Variants in CSMD1 observed in about 807,000 individuals in gnomAD.
The protein encoded by CSMD1 is CUB and sushi domain-containing protein 1.
CSMD1 carries 213 observed loss-of-function variants against 417.5 expected under a neutral mutation model. The ratio of observed to expected loss-of-function variants is 0.51; its 90% CI spans 0.46 to 0.57. The LOEUF (loss-of-function observed/expected upper bound fraction) is 0.57, where lower values mean the gene tolerates loss of function less well. Among genes scored for constraint, CSMD1 ranks in the 20% least tolerant of loss-of-function variants. The pLI is 0.00. For synonymous variants in CSMD1, 2,862 were observed against 1,736.8 expected, an observed-to-expected ratio of 1.65 and a Z score of -16.11; for missense variants, 6,923 against 4,529.7, an observed-to-expected ratio of 1.53 and a Z score of -15.17.
At chr8:3,745,806 C>A (rs376251663) in intron 6 of CSMD1, among the ~76,000 whole-genome samples, 1 of 152,152 alleles carries the variant, frequency 6.6e-6, no homozygotes, top group Non-Finnish European at 1.5e-5. Context: ...GTAACCTGTG[C>A]CTTTGAAGGT....
At chr8:4,480,874 A>G (rs1220135931) in intron 2 of CSMD1, among the ~76,000 whole-genome samples, 1 of 152,176 alleles carries the variant, frequency 6.6e-6, no homozygotes, top group African/African-American at 2.4e-5. Context: ...GTCCCTGGTT[A>G]AAGATCTAGA....
At chr8:3,870,720 T>C (rs1424088625) in intron 5 of CSMD1, among the ~76,000 whole-genome samples, 1 of 152,176 alleles carries the variant, frequency 6.6e-6, no homozygotes, top group Non-Finnish European at 1.5e-5. Context: ...TTATATATTC[T>C]CCTCTGTTAA....
intron 6 of CSMD1, among the ~76,000 whole-genome samples, chr8:3,751,329 T>TAC: frequency 1.6e-5 from 2 of 127,332 alleles, no homozygotes; most frequent in African/African-American, 5.7e-5. Context: ...TGTGTGTGTA[T>TAC]ATATATATAT....
intron 3 of CSMD1, among the ~76,000 whole-genome samples, chr8:4,199,846 C>G (rs1012751411): frequency 2.0e-5 from 3 of 152,142 alleles, no homozygotes; most frequent in African/African-American, 7.2e-5. Context: ...CAACAAAACT[C>G]TTCCTTTACA....
intron 3 of CSMD1, among the ~76,000 whole-genome samples, chr8:4,365,905 T>G (rs1234481877): frequency 6.6e-6 from 1 of 152,218 alleles, no homozygotes; most frequent in African/African-American, 2.4e-5. Context: ...TATTTCATCT[T>G]TAAAGTTTTA....
intron 1 of CSMD1, among the ~76,000 whole-genome samples, chr8:4,769,790 C>A (rs114161839): frequency 1.3e-5 from 2 of 152,060 alleles, no homozygotes; most frequent in Admixed American, 1.3e-4. Context: ...TGAATTGCCA[C>A]GTTTAGCATT....
At chr8:3,697,906 C>A (rs1585093190) in intron 7 of CSMD1, among the ~76,000 whole-genome samples, 1 of 152,048 alleles carries the variant, frequency 6.6e-6, no homozygotes, top group African/African-American at 2.4e-5. Flanking sequence ...GTGAGTTTTT[C>A]CCTTTAGTGA....
intron 18 of CSMD1, among the ~76,000 whole-genome samples, chr8:3,371,344 C>CA (rs1019097287): frequency 1.3e-5 from 2 of 152,024 alleles, no homozygotes; most frequent in Non-Finnish European, 2.9e-5. Context: ...TAAAATGGGG[C>CA]AAAAATCACA....
rs1200464393 is a variant in CSMD1, at chr8:3,939,784, A to G, written c.818+58119T>C. Among the ~76,000 whole-genome samples, 5 of 152,280 alleles carry G rather than the reference A, an allele frequency of 3.3e-5. No homozygotes were observed. The South Asian group carries it at 6.2e-4, about 19-fold the overall frequency. On this transcript the variant is annotated intron_variant, in intron 5 of 69. Transcript: ENST00000635120. ...ACTCAGAAATGGAAAAACAAACGTC[A>G]TATGTTCTCACTTGTGAGAGCTAAG...
At chr8:3,610,642 A>G (rs931261525) in intron 8 of CSMD1, among the ~76,000 whole-genome samples, 1 of 152,184 alleles carries the variant, frequency 6.6e-6, no homozygotes, top group African/African-American at 2.4e-5. Context: ...ATTCACTTCA[A>G]TTCAACTCAA....
chr8:3,628,868 G>GTT (rs570765360), intron 7 of CSMD1, among the ~76,000 whole-genome samples: 55,656 of 149,502 alleles, frequency 0.37, 10,392 homozygotes, highest in Middle Eastern at 0.49. Flanking sequence ...AATAATCTAA[G>GTT]TTTTTTTAAA....
chr8:4,262,454 C>T (rs1018349096), intron 3 of CSMD1, among the ~76,000 whole-genome samples: 20 of 152,192 alleles, frequency 1.3e-4, no homozygotes, highest in Non-Finnish European at 2.5e-4. Context: ...CCGCGCAGTG[C>T]AGGCAAAGAC....
intron 3 of CSMD1, among the ~76,000 whole-genome samples, chr8:4,332,924 A>AT (rs527618165): frequency 1.4e-3 from 208 of 143,598 alleles, no homozygotes; most frequent in African/African-American, 4.9e-3. Flanking sequence ...TTACTATCAC[A>AT]TTTTTTTCTT....
intron 51 of CSMD1, among the ~76,000 whole-genome samples, chr8:3,027,779 G>C (rs528167226): frequency 1.3e-5 from 2 of 152,332 alleles, no homozygotes; most frequent in African/African-American, 4.8e-5. Flanking sequence ...CAGGAAAACA[G>C]ACTTTCTAGA....
chr8:3,532,689 A>T (rs778519979), intron 10 of CSMD1, among the ~76,000 whole-genome samples: 4 of 152,124 alleles, frequency 2.6e-5, no homozygotes, highest in Non-Finnish European at 5.9e-5. Flanking sequence ...TAATATTCTC[A>T]TCCTTATTCC....
intron 32 of CSMD1, among the ~76,000 whole-genome samples, 170 bp downstream of exon 32, chr8:3,201,442 A>G (rs1796988127): frequency 6.6e-6 from 1 of 152,190 alleles, no homozygotes; most frequent in Non-Finnish European, 1.5e-5. Flanking sequence ...GTGAGATAAA[A>G]ACACTTTTGA....
chr8:4,212,489 A>G (rs1333218770), intron 3 of CSMD1, among the ~76,000 whole-genome samples: 1 of 152,074 alleles, frequency 6.6e-6, no homozygotes, highest in Non-Finnish European at 1.5e-5. Flanking sequence ...GGCAGATGGA[A>G]GCGATCCTAA....
chr8:2,957,940 A>G, intron 62 of CSMD1, 133 bp from the exon 63 acceptor site: 1 of 637,102 alleles, frequency 1.6e-6, no homozygotes, highest in Non-Finnish European at 2.9e-6. Flanking sequence ...CCACTGTCTA[A>G]GTCAACATGT....
At chr8:3,968,990 C>T (rs1812882840) in intron 5 of CSMD1, among the ~76,000 whole-genome samples, 1 of 152,130 alleles carries the variant, frequency 6.6e-6, no homozygotes. Context: ...GTGGCTCATA[C>T]CTGTACTATC....
Sources: allele counts gnomAD v4.1 joint callset (sites outside exome capture counted in the v4.1 genomes callset), GRCh38; gene constraint gnomAD v4.1.1; transcripts MANE v1.5; gene names NCBI Gene and HGNC (gene_info 2026-07-23, HGNC 2026-07-21).